The following SLC4A1AP variants were observed in gnomAD, a reference collection of about 807,000 sequenced individuals.
The protein encoded by SLC4A1AP is solute carrier family 4 member 1 adaptor protein, also known as kanadaptin.
A neutral mutation model predicts 89.7 loss-of-function variants in SLC4A1AP; 64 were observed. The observed-to-expected ratio is 0.71, with a 90% CI of 0.58 to 0.88. The LOEUF is 0.88. Among genes scored for constraint, SLC4A1AP ranks in the 40% least tolerant of loss-of-function variants. The pLI is 0.00. For synonymous variants in SLC4A1AP, 366 were observed against 353.3 expected, an observed-to-expected ratio of 1.04 and a Z score of -0.40; for missense variants, 931 against 965.0, an observed-to-expected ratio of 0.96 and a Z score of 0.47.
intron 2 of SLC4A1AP, among the ~76,000 whole-genome samples, chr2:27,666,368 C>CCG (rs1675322351): frequency 2.6e-5 from 1 of 38,828 alleles, no homozygotes; most frequent in Non-Finnish European, 9.4e-5. Flanking sequence ...CACCCCCCCC[C>CCG]CCCACCCCGC....
chr2:27,670,922 C>CTTTTTTTTTTTTT (rs34481114), intron 5 of SLC4A1AP, among the ~76,000 whole-genome samples: 1 of 111,850 alleles, frequency 8.9e-6, no homozygotes, highest in Non-Finnish European at 1.8e-5. Context: ...CTTTTCTTTT[C>CTTTTTTTTTTTTT]TTTTTTTTTT....
intron 9 of SLC4A1AP, among the ~76,000 whole-genome samples, chr2:27,684,154 C>T (rs1053196081): frequency 1.3e-5 from 2 of 152,094 alleles, no homozygotes; most frequent in African/African-American, 2.4e-5. Flanking sequence ...AGGCCGGGCG[C>T]GGTGGCTCAT....
chr2:27,664,508 C>A lies in SLC4A1AP; in HGVS notation c.756C>A (p.Arg252=), dbSNP rs1256164307. ...TCAACAAAACTCGCATCCCACCTCG[C>A]ACCTACTGTCGAGTCCACGTTGGGC... Residue 252 remains arginine, a synonymous_variant, in exon 1 of 14, where the codon CGC becomes CGA. Transcript: ENST00000613058. The A allele has an allele frequency of 4.3e-6, 7 of 1,614,208 alleles. No individual in the cohort carries two copies. The South Asian group carries it at 6.6e-5, about 15-fold the overall frequency.
intron 2 of SLC4A1AP, among the ~76,000 whole-genome samples, chr2:27,666,042 T>A (rs1675312711): frequency 6.6e-6 from 1 of 152,204 alleles, no homozygotes; most frequent in African/African-American, 2.4e-5. Flanking sequence ...CTAGTTGCAA[T>A]TGATGTGTGC....
chr2:27,689,045 T>C (rs1675749799), intron 12 of SLC4A1AP, among the ~76,000 whole-genome samples: 1 of 152,242 alleles, frequency 6.6e-6, no homozygotes, highest in Non-Finnish European at 1.5e-5. Context: ...AACATATTCT[T>C]ATTTTCCTCC....
chr2:27,663,967 G>A (rs1479711097), exon 1 of SLC4A1AP: 1 of 1,614,094 alleles, frequency 6.2e-7, no homozygotes. Flanking sequence ...GACCTCAGTG[G>A]GGACTTCAAG....
intron 8 of SLC4A1AP, among the ~76,000 whole-genome samples, 159 bp from the exon 9 acceptor site, chr2:27,682,089 T>C (rs1470436937): frequency 2.6e-5 from 4 of 152,224 alleles, no homozygotes; most frequent in Non-Finnish European, 5.9e-5. Flanking sequence ...ATTCAAAATC[T>C]GTTGGTCTGA....
At chr2:27,678,280 C>G (rs547810358) in intron 8 of SLC4A1AP, among the ~76,000 whole-genome samples, 5 of 152,288 alleles carry the variant, frequency 3.3e-5, no homozygotes, top group African/African-American at 9.6e-5. Context: ...CGTAGTGGCT[C>G]ATACCTGTAA....
At chr2:27,670,466 A>G (rs1044881004) in intron 5 of SLC4A1AP, among the ~76,000 whole-genome samples, 2 of 152,080 alleles carry the variant, frequency 1.3e-5, no homozygotes, top group African/African-American at 4.8e-5. Flanking sequence ...CAAAAGGCTT[A>G]TAATAAAATA....
At chr2:27,666,372 A>AC (rs1675323435) in intron 2 of SLC4A1AP, among the ~76,000 whole-genome samples, 1 of 3,390 alleles carries the variant, frequency 2.9e-4, no homozygotes, top group Non-Finnish European at 9.7e-4. Context: ...CCCCCCCCCC[A>AC]CCCCGCCCCC....
chr2:27,670,691 C>A (rs1461155941), intron 5 of SLC4A1AP, among the ~76,000 whole-genome samples: 5 of 151,024 alleles, frequency 3.3e-5, no homozygotes, highest in Non-Finnish European at 5.9e-5. Flanking sequence ...CCCGTCTCTA[C>A]CAAAAATACA....
At chr2:27,692,057 C>T (rs1161492838) in intron 12 of SLC4A1AP, 1 of 152,170 alleles carries the variant, frequency 6.6e-6, no homozygotes, top group Non-Finnish European at 1.5e-5. Context: ...AAGCAATCCT[C>T]CTGCCTTGGC....
intron 1 of SLC4A1AP, among the ~76,000 whole-genome samples, 174 bp from the exon 2 acceptor site, chr2:27,664,926 C>T (rs1572987191): frequency 6.6e-6 from 1 of 151,460 alleles, no homozygotes; most frequent in Non-Finnish European, 1.5e-5. Context: ...AAAAATTAGC[C>T]AGGCATCATG....
intron 10 of SLC4A1AP, 109 bp from the exon 11 acceptor site, chr2:27,687,825 C>A: frequency 1.4e-6 from 1 of 711,030 alleles, no homozygotes; most frequent in Non-Finnish European, 2.4e-6. Context: ...GATAATAAAA[C>A]TGGATGATTA....
intron 12 of SLC4A1AP, among the ~76,000 whole-genome samples, chr2:27,690,467 C>T (rs573962902): frequency 6.6e-6 from 1 of 152,028 alleles, no homozygotes; most frequent in African/African-American, 2.4e-5. Flanking sequence ...CAAGTTGCTG[C>T]AAAAAAATTT....
At chr2:27,675,504 A>C (rs1675503333) in intron 5 of SLC4A1AP, 28 bp from the exon 6 acceptor site, 1 of 1,495,780 alleles carries the variant, frequency 6.7e-7, no homozygotes, top group East Asian at 2.3e-5. Context: ...TTAAAAACTT[A>C]TTTATTCATC....
Position 27,668,841 on chromosome 2 carries a change from A to C in SLC4A1AP, c.1145-2A>C, listed in dbSNP as rs764643334. 2.5e-6 allele frequency: 4 copies of C among 1,612,478 alleles called. No homozygotes were observed. The highest frequency in any genetic ancestry group is 2.7e-5 in the African/African-American group (2 of 74,900). On this transcript the variant is annotated splice_acceptor_variant, in intron 3 of 13. Coordinates refer to ENST00000613058, the Ensembl canonical transcript of SLC4A1AP. LOFTEE classifies it high-confidence loss of function. ...ATTGTTTTGTCTGTCTTTCTCCCAC[A>C]GGAGAAGAATTAGAATATGAATTTG...
intron 9 of SLC4A1AP, among the ~76,000 whole-genome samples, chr2:27,683,811 C>T (rs1406416208): frequency 6.6e-6 from 1 of 152,166 alleles, no homozygotes; most frequent in Non-Finnish European, 1.5e-5. Context: ...TCTCGGCTCA[C>T]TGCAACCTCC....
chr2:27,680,232 G>T (rs961616981), intron 8 of SLC4A1AP, among the ~76,000 whole-genome samples: 5 of 152,168 alleles, frequency 3.3e-5, no homozygotes, highest in Non-Finnish European at 7.3e-5. Flanking sequence ...TGCCAATGGG[G>T]AAGGCAACTG....
Sources: allele counts gnomAD v4.1 joint callset (sites outside exome capture counted in the v4.1 genomes callset), GRCh38; gene constraint gnomAD v4.1.1; transcripts MANE v1.5; gene names NCBI Gene and HGNC (gene_info 2026-07-23, HGNC 2026-07-21).